ORC3: variants seen among roughly 807,000 people sequenced by gnomAD.
ORC3 encodes homolog of latheo, Drosophila.
In ORC3, 78 loss-of-function variants were observed where a neutral mutation model predicts 100.7. The ratio of observed to expected loss-of-function variants is 0.77; its 90% CI spans 0.65 to 0.94. The LOEUF (loss-of-function observed/expected upper bound fraction) is 0.94. Among genes scored for constraint, ORC3 ranks in the 40% least tolerant of loss-of-function variants. The pLI, the probability that ORC3 is intolerant of heterozygous loss-of-function variation, is 0.00. For synonymous variants in ORC3, 295 were observed against 289.3 expected (o/e 1.02, Z -0.20); for missense variants, 789 against 823.9 (o/e 0.96, Z 0.52).
the ORC3 span, among the ~76,000 whole-genome samples, chr6:87,672,479 G>C: frequency 6.6e-6 from 1 of 152,208 alleles, no homozygotes; most frequent in African/African-American, 2.4e-5. Context: ...GCAGGAGCAA[G>C]AGAATTGTGG....
At chr6:87,614,220 C>G (rs1477692409) in intron 8 of ORC3, among the ~76,000 whole-genome samples, 1 of 152,216 alleles carries the variant, frequency 6.6e-6, no homozygotes, top group South Asian at 2.1e-4. Flanking sequence ...GGGGCTTGCA[C>G]TCTCTGAAGC....
chr6:87,659,219 A>G (rs1583167821), intron 16 of ORC3, among the ~76,000 whole-genome samples: 1 of 151,804 alleles, frequency 6.6e-6, no homozygotes, highest in East Asian at 1.9e-4. Flanking sequence ...ATGTGCCAAC[A>G]GGCCTGGCTA....
intron 3 of ORC3, 114 bp downstream of exon 3, chr6:87,601,995 C>A: frequency 1.5e-6 from 1 of 683,462 alleles, no homozygotes; most frequent in Non-Finnish European, 2.6e-6. Flanking sequence ...AAGTATTGGT[C>A]AAGCATAGCC....
chr6:87,652,319 C>G (rs564007837), intron 13 of ORC3, among the ~76,000 whole-genome samples: 2 of 152,278 alleles, frequency 1.3e-5, no homozygotes, highest in African/African-American at 4.8e-5. Flanking sequence ...CCTTTTGATG[C>G]CATTACTGAG....
intron 9 of ORC3, among the ~76,000 whole-genome samples, chr6:87,616,986 C>T (rs1779203579): frequency 6.6e-6 from 1 of 152,024 alleles, no homozygotes; most frequent in South Asian, 2.1e-4. Context: ...TTAGTAGAAA[C>T]AGGGCTTCAC....
At chr6:87,638,686 C>A (rs1369052087) in intron 13 of ORC3, among the ~76,000 whole-genome samples, 1 of 152,110 alleles carries the variant, frequency 6.6e-6, no homozygotes, top group Non-Finnish European at 1.5e-5. Flanking sequence ...AAATTCCACA[C>A]CTGACCTCAT....
chr6:87,600,385 G>A (rs1399095833), intron 2 of ORC3, among the ~76,000 whole-genome samples: 1 of 152,160 alleles, frequency 6.6e-6, no homozygotes, highest in African/African-American at 2.4e-5. Flanking sequence ...TATTAAAGAT[G>A]GGATTTTTCC....
At chr6:87,636,588 A>G in intron 13 of ORC3, 102 bp downstream of exon 13, 1 of 715,800 alleles carries the variant, frequency 1.4e-6, no homozygotes, top group Non-Finnish European at 2.5e-6. Flanking sequence ...TTTCATAAAT[A>G]GCCATGTTGT....
At chr6:87,640,554 T>C (rs2128281374) in intron 13 of ORC3, among the ~76,000 whole-genome samples, 1 of 152,326 alleles carries the variant, frequency 6.6e-6, no homozygotes, top group South Asian at 2.1e-4. Flanking sequence ...TGTGTCATTA[T>C]ATAAGGATAT....
At chr6:87,633,526 G>A (rs559312649) in intron 11 of ORC3, among the ~76,000 whole-genome samples, 17 of 152,280 alleles carry the variant, frequency 1.1e-4, no homozygotes, top group East Asian at 1.9e-4. Context: ...GTAATGACCC[G>A]TAGATCGTTG....
chr6:87,629,174 AG>A (rs1475580869), intron 11 of ORC3, among the ~76,000 whole-genome samples: 1 of 152,232 alleles, frequency 6.6e-6, no homozygotes, highest in African/African-American at 2.4e-5. Context: ...GAGAAAAATA[AG>A]GCTTAGTTAT....
At chr6:87,612,737 A>C (rs1244575995) in intron 8 of ORC3, among the ~76,000 whole-genome samples, 1 of 152,028 alleles carries the variant, frequency 6.6e-6, no homozygotes, top group Non-Finnish European at 1.5e-5. Context: ...GCAGCATCTC[A>C]AGTAGCTGGG....
At chr6:87,648,699 A>G (rs532200253) in intron 13 of ORC3, among the ~76,000 whole-genome samples, 2 of 152,324 alleles carry the variant, frequency 1.3e-5, no homozygotes, top group Admixed American at 6.5e-5. Context: ...GACACTTGAT[A>G]CACATATGTG....
At chr6:87,674,245 T>C in the ORC3 span, among the ~76,000 whole-genome samples, 1 of 136,470 alleles carries the variant, frequency 7.3e-6, no homozygotes, top group Non-Finnish European at 1.5e-5. Context: ...GAGATTGCAG[T>C]GAGCCGAGAT....
chr6:87,669,094 T>G (rs943295912), downstream of ORC3, among the ~76,000 whole-genome samples: 33 of 151,742 alleles, frequency 2.2e-4, no homozygotes, highest in Admixed American at 6.6e-5. Flanking sequence ...AAGGTGGAGG[T>G]TGTAGTGAGC....
rs748510234 is a variant in ORC3 at position 87,607,839 on chromosome 6, A to T, written c.579+15A>T. 6.3e-7 allele frequency: 1 copy of T among 1,584,358 alleles called. No homozygotes were observed. Among genetic ancestry groups the T allele is most frequent in the Admixed American group, 1.8e-5 (1 of 56,944 alleles). On this transcript the variant is annotated intron_variant, in intron 6 of 19. Coordinates refer to ENST00000392844, the MANE Select transcript of ORC3 (RefSeq NM_012381.4). ...CTGTCACACAGGTAGATATAAACTG[A>T]TGATTTTCTCCCAGGAAATTGACGT...
intron 11 of ORC3, among the ~76,000 whole-genome samples, chr6:87,623,038 T>C (rs1203539936): frequency 1.3e-5 from 2 of 152,194 alleles, no homozygotes; most frequent in African/African-American, 4.8e-5. Context: ...GTTTTGGTAA[T>C]ACATACGATT....
chr6:87,677,457 C>T, the ORC3 span, among the ~76,000 whole-genome samples: 4 of 152,098 alleles, frequency 2.6e-5, no homozygotes, highest in Non-Finnish European at 5.9e-5. Context: ...TTTGATACTC[C>T]AATGACTTAC....
the ORC3 span, among the ~76,000 whole-genome samples, chr6:87,676,799 G>A: frequency 5.3e-5 from 8 of 149,650 alleles, no homozygotes; most frequent in East Asian, 2.0e-4. Flanking sequence ...ACAATTGGCC[G>A]GGCATGGTGG....
Sources: gnomAD v4.1 joint callset for allele counts (sites outside exome capture counted in the v4.1 genomes callset) on GRCh38, gnomAD v4.1.1 for gene constraint, MANE v1.5 for transcripts, NCBI Gene and HGNC (gene_info 2026-07-23, HGNC 2026-07-21) for gene names.